The following PRICKLE2 variants were observed in gnomAD, a reference collection of about 807,000 sequenced individuals.
PRICKLE2 encodes prickle-like protein 2.
In PRICKLE2, 21 loss-of-function variants were observed where a neutral mutation model predicts 81.4. The ratio of observed to expected loss-of-function variants is 0.26; its 90% CI spans 0.18 to 0.37. The LOEUF is 0.37. PRICKLE2 is among the 10% of genes least tolerant of loss of function. The pLI, the probability that PRICKLE2 is intolerant of heterozygous loss-of-function variation, is 1.00. For synonymous variants in PRICKLE2, 456 were observed against 421.5 expected, an observed-to-expected ratio of 1.08 and a Z score of -1.00; for missense variants, 940 against 1,109.0, an observed-to-expected ratio of 0.85 and a Z score of 2.16.
intron 2 of PRICKLE2, among the ~76,000 whole-genome samples, chr3:64,236,253 T>G (rs566954608): frequency 6.6e-6 from 1 of 152,300 alleles, no homozygotes; most frequent in African/African-American, 2.4e-5. Flanking sequence ...GTCAGTTTTA[T>G]TCAGCCCTCG....
chr3:64,182,000 G>A (rs1286666446), intron 2 of PRICKLE2, among the ~76,000 whole-genome samples: 1 of 152,182 alleles, frequency 6.6e-6, no homozygotes, highest in Non-Finnish European at 1.5e-5. Flanking sequence ...TGTTAAAAGT[G>A]ATAGAGGGAG....
At chr3:64,191,393 T>C (rs562646897) in intron 2 of PRICKLE2, among the ~76,000 whole-genome samples, 3 of 152,218 alleles carry the variant, frequency 2.0e-5, no homozygotes, top group African/African-American at 7.2e-5. Context: ...GCCAGGAGCA[T>C]TATAAGCACT....
rs2076634589 is a variant in PRICKLE2, at chr3:64,100,145, A to G, written c.1661-220T>C. ...GGGGGCACTTACTTAAAATGCTTCC[A>G]GAGATGTATTTTACCAGTTACTAGT... On this transcript the variant is annotated intron_variant, in intron 7 of 7. Transcript: ENST00000638394. The G allele has an allele frequency of 5.2e-6, 3 of 578,054 alleles. No homozygotes were observed. In the African/African-American group the frequency reaches 5.6e-5, roughly 11 times the overall value. The allele number at this position is 578,054 out of a possible 1,614,324, so 35.8% of individuals were successfully genotyped here.
chr3:64,210,596 G>A (rs1000710785), intron 1 of PRICKLE2, among the ~76,000 whole-genome samples: 3 of 152,172 alleles, frequency 2.0e-5, no homozygotes, highest in African/African-American at 7.2e-5. Context: ...GGTTGCTGAA[G>A]TTGGTACAGG....
intron 2 of PRICKLE2, among the ~76,000 whole-genome samples, chr3:64,173,983 A>G (rs1416103595): frequency 6.6e-6 from 1 of 152,214 alleles, no homozygotes; most frequent in Non-Finnish European, 1.5e-5. Flanking sequence ...TTCTCAAAGT[A>G]AAGAGGATGT....
chr3:64,163,229 C>T (rs952352293), intron 2 of PRICKLE2, 100 bp from the exon 3 acceptor site: 2 of 794,436 alleles, frequency 2.5e-6, no homozygotes, highest in Non-Finnish European at 4.6e-6. Flanking sequence ...ATGTAACTGA[C>T]TTCTGCAGTC....
chr3:64,123,748 T>A (rs2077064730), intron 7 of PRICKLE2, among the ~76,000 whole-genome samples: 3 of 152,248 alleles, frequency 2.0e-5, no homozygotes, highest in African/African-American at 7.2e-5. Flanking sequence ...TGCACCCATA[T>A]AAGATGGTAA....
rs1251128911 is a variant in PRICKLE2, at chr3:64,093,616, GAGT to G, written c.*5432_*5434del. Reference sequence around the variant, plus strand: ...CTGGGGGCTGCTACTGGCATCTAGTGAGTAGAAGTCAGCGATGTTGCTAAACAT... The same window carrying G: ...CTGGGGGCTGCTACTGGCATCTAGTGAGAAGTCAGCGATGTTGCTAAACAT... On this transcript the variant is annotated 3_prime_UTR_variant, in exon 8 of 8. Transcript: ENST00000638394. 1 of 152,098 alleles carries G rather than the reference GAGT, an allele frequency of 6.6e-6. No individual in the cohort carries two copies. Among genetic ancestry groups the G allele is most frequent in the Non-Finnish European group, 1.5e-5 (1 of 68,038 alleles). 9.4% of individuals were successfully genotyped at this position (152,098 alleles called of 1,614,324 possible).
At chr3:64,163,804 C>G (rs1341397562) in intron 2 of PRICKLE2, 1 of 152,618 alleles carries the variant, frequency 6.6e-6, no homozygotes, top group Admixed American at 6.5e-5. Context: ...ACCCTAACAA[C>G]TGGGGAAAGC....
chr3:64,225,048 C>G lies in PRICKLE2; in HGVS notation c.-179G>C, dbSNP rs904591629. 4.1e-6 allele frequency: 4 copies of G among 985,296 alleles called. No individual in the cohort carries two copies. The African/African-American group carries it at 7.0e-5, about 17-fold the overall frequency. The allele number at this position is 985,296 out of a possible 1,614,324, so 61.0% of individuals were successfully genotyped here. The stretch of plus-strand genomic sequence containing the variant: ...GGACCTCAGGCAGCCAAAGCATCTT[C>G]TCCTCAAACCCCCTTTTCAGTCTGA... On this transcript the variant is annotated 5_prime_UTR_variant, in exon 1 of 8. Coordinates refer to ENST00000638394, the MANE Select transcript of PRICKLE2 (RefSeq NM_198859.4).
chr3:64,261,746 T>TA (rs1211856119), intron 2 of PRICKLE2, among the ~76,000 whole-genome samples: 3 of 152,120 alleles, frequency 2.0e-5, no homozygotes, highest in Non-Finnish European at 2.9e-5. Flanking sequence ...CGGGTGCCAG[T>TA]AGCCAGGTAG....
At chr3:64,194,820 T>A (rs1036318451) in intron 2 of PRICKLE2, among the ~76,000 whole-genome samples, 1 of 152,074 alleles carries the variant, frequency 6.6e-6, no homozygotes, top group Non-Finnish European at 1.5e-5. Flanking sequence ...TTTGGGAGCA[T>A]TGCTTGAGGT....
At chr3:64,106,590 C>T (rs989665604) in intron 7 of PRICKLE2, among the ~76,000 whole-genome samples, 2 of 152,232 alleles carry the variant, frequency 1.3e-5, no homozygotes, top group East Asian at 3.9e-4. Context: ...GGCTGGGATT[C>T]CTCCTCTACA....
At position 64,098,939 on chromosome 3, in the gene PRICKLE2, C is replaced by G; in HGVS notation, c.*112G>C. 1.5e-6 allele frequency: 2 copies of G among 1,291,766 alleles called. No individual in the cohort carries two copies. Among genetic ancestry groups the G allele is most frequent in the Non-Finnish European group, 1.1e-6 (1 of 893,504 alleles). 80.0% of individuals were successfully genotyped at this position (1,291,766 alleles called of 1,614,324 possible). ...CCTCCATCTACTGACAGCATTTTCCCTTTTCTCCCCCATAAGCCACCCCCA... is the reference window on the plus strand; with the variant it reads ...CCTCCATCTACTGACAGCATTTTCCGTTTTCTCCCCCATAAGCCACCCCCA... On this transcript the variant is annotated 3_prime_UTR_variant, in exon 8 of 8. Transcript: ENST00000638394.
chr3:64,140,604 A>C (rs1311817930), intron 7 of PRICKLE2, among the ~76,000 whole-genome samples: 1 of 152,050 alleles, frequency 6.6e-6, no homozygotes, highest in Admixed American at 6.6e-5. Flanking sequence ...TTCCAGCTCT[A>C]CTATATACCT....
At chr3:64,226,611 T>G (rs1431749813), upstream of PRICKLE2, among the ~76,000 whole-genome samples, 1 of 152,230 alleles carries the variant, frequency 6.6e-6, no homozygotes, top group Non-Finnish European at 1.5e-5. Flanking sequence ...TGGTGAAGAT[T>G]AACACAATAT....
intron 1 of PRICKLE2, among the ~76,000 whole-genome samples, chr3:64,209,146 T>C (rs548078196): frequency 1.3e-5 from 2 of 152,010 alleles, no homozygotes; most frequent in African/African-American, 2.4e-5. Context: ...CATACACATC[T>C]ATCCACCTAT....
intron 4 of PRICKLE2, 28 bp from the exon 5 acceptor site, chr3:64,157,393 T>C (rs918253670): frequency 1.9e-6 from 3 of 1,604,960 alleles, no homozygotes; most frequent in Non-Finnish European, 2.6e-6. Flanking sequence ...ACATCAGTAG[T>C]CACACTAGCC....
At chr3:64,211,359 A>G (rs1270259175) in intron 1 of PRICKLE2, among the ~76,000 whole-genome samples, 2 of 152,252 alleles carry the variant, frequency 1.3e-5, no homozygotes, top group Non-Finnish European at 2.9e-5. Flanking sequence ...AGGAGTTTCT[A>G]TCTGACACAA....
Sources: allele counts gnomAD v4.1 joint callset (sites outside exome capture counted in the v4.1 genomes callset), GRCh38; gene constraint gnomAD v4.1.1; transcripts MANE v1.5; gene names NCBI Gene and HGNC (gene_info 2026-07-23, HGNC 2026-07-21).